Variants in SEMA3C observed in about 807,000 individuals in gnomAD.
SEMA3C encodes semaphorin-3C.
Under a neutral mutation model 89.4 loss-of-function variants are expected in SEMA3C, and 47 were observed. The observed-to-expected ratio is 0.53, with a 90% confidence interval of 0.42 to 0.67. The LOEUF is 0.67. Among genes scored for constraint, SEMA3C ranks in the 30% least tolerant of loss-of-function variants. The pLI is 0.00. For missense variants in SEMA3C, 839 were observed against 929.1 expected, an observed-to-expected ratio of 0.90 and a Z score of 1.26; for synonymous variants, 310 against 320.2, an observed-to-expected ratio of 0.97 and a Z score of 0.34.
At position 80,842,133 on chromosome 7, in the gene SEMA3C, A is replaced by C. The variant is rs557986642; in HGVS notation, c.104-13388T>G. Among the ~76,000 whole-genome samples the C allele has an allele frequency of 2.6e-5, 4 of 152,270 alleles. No individual in the cohort carries two copies. The East Asian group carries it at 5.8e-4, about 22-fold the overall frequency. ...ACAGTCCTTGGGAGTGGGCTTCTACATAGTAATAGAGCCACCCTTTAATTC... is the reference window on the plus strand; with the variant it reads ...ACAGTCCTTGGGAGTGGGCTTCTACCTAGTAATAGAGCCACCCTTTAATTC... On this transcript the variant is annotated intron_variant, in intron 2 of 17. Transcript: ENST00000265361.
intron 13 of SEMA3C, among the ~76,000 whole-genome samples, chr7:80,762,092 T>TA (rs547180420): frequency 0.2 from 15,162 of 76,290 alleles, 1,179 homozygotes; most frequent in African/African-American, 0.21. Flanking sequence ...TCCGTCTCAA[T>TA]AAAAAAAAAA....
intron 2 of SEMA3C, among the ~76,000 whole-genome samples, chr7:80,904,133 T>C (rs1791950708): frequency 1.3e-5 from 2 of 152,260 alleles, no homozygotes; most frequent in African/African-American, 4.8e-5. Flanking sequence ...CTCCACCTCC[T>C]AGGTTCAAGT....
intron 2 of SEMA3C, among the ~76,000 whole-genome samples, chr7:80,831,378 T>C (rs1790005758): frequency 6.6e-6 from 1 of 152,186 alleles, no homozygotes; most frequent in South Asian, 2.1e-4. Context: ...TTAATATACA[T>C]AAAGTTTTTA....
At chr7:80,885,508 T>C (rs1791453918) in intron 2 of SEMA3C, among the ~76,000 whole-genome samples, 1 of 152,090 alleles carries the variant, frequency 6.6e-6, no homozygotes, top group Non-Finnish European at 1.5e-5. Flanking sequence ...TCCCAGCTAC[T>C]TGGGAGGCTG....
chr7:80,828,654 C>G lies in SEMA3C; in HGVS notation c.195G>C (p.Arg65=). ...TGTGATCTTTGCTTCCCACATATAT[C>G]CGGTCCTGATCTTCATCCATTAATA... ...RILLMDEDQD[R]IYVGSKDHIL... is the part of the protein sequence containing the mutation. The change falls in exon 3 of 18, where the codon CGG becomes CGC. Residue 65 remains arginine, a synonymous_variant. Transcript: ENST00000265361. 1 of 1,612,096 alleles carries G rather than the reference C, an allele frequency of 6.2e-7. No homozygotes were observed. The highest frequency in any genetic ancestry group is 1.1e-5 in the South Asian group (1 of 90,926).
rs527979705 is a variant in SEMA3C, at chr7:80,908,543, C to T, written c.103+8136G>A. ...TAGCAACTTGGGTTGCAAGACTTCG[C>T]TGGCTGGAAAAAAAGAAAAGCAGGC... On this transcript the variant is annotated intron_variant, in intron 2 of 17. Transcript: ENST00000265361. 2.0e-5 allele frequency among the ~76,000 whole-genome samples: 3 copies of T among 152,256 alleles called. No individual in the cohort carries two copies. The South Asian group carries it at 6.2e-4, about 32-fold the overall frequency.
chr7:80,888,774 AT>A (rs1258611164), intron 2 of SEMA3C, among the ~76,000 whole-genome samples: 10 of 152,314 alleles, frequency 6.6e-5, no homozygotes, highest in South Asian at 2.1e-4. Flanking sequence ...TAACAAAAAA[AT>A]ATTGAGTCCA....
chr7:80,791,028 C>T (rs921578379), intron 11 of SEMA3C, among the ~76,000 whole-genome samples: 5 of 151,940 alleles, frequency 3.3e-5, no homozygotes, highest in Admixed American at 1.3e-4. Context: ...ATTTTGGTGC[C>T]GGGTCTGTAT....
chr7:80,896,717 T>G (rs963636251), intron 2 of SEMA3C, among the ~76,000 whole-genome samples: 1 of 152,166 alleles, frequency 6.6e-6, no homozygotes, highest in African/African-American at 2.4e-5. Flanking sequence ...GAATTGTCTG[T>G]TGGGCCCTAT....
In SEMA3C at chr7:80,795,919, C is replaced by T. The variant is rs79922431; in HGVS notation, c.1131+2173G>A. Among the ~76,000 whole-genome samples, 88 of 152,332 alleles carry T rather than the reference C, an allele frequency of 5.8e-4. No homozygotes were observed. The East Asian group carries it at 0.015, about 25-fold the overall frequency. ...TTAATTGAGAAGAGGTGTACATTATCTGCTCTTGTAACCTGGGTCCATGCT... is the reference window on the plus strand; with the variant it reads ...TTAATTGAGAAGAGGTGTACATTATTTGCTCTTGTAACCTGGGTCCATGCT... On this transcript the variant is annotated intron_variant, in intron 11 of 17. Coordinates refer to ENST00000265361, the MANE Select transcript of SEMA3C (RefSeq NM_006379.5).
Position 80,742,794 on chromosome 7 carries a change from C to G in SEMA3C, c.*2100G>C, listed in dbSNP as rs1056330307. 4.0e-5 allele frequency: 6 copies of G among 151,770 alleles called. No individual in the cohort carries two copies. The highest frequency in any genetic ancestry group is 7.4e-5 in the Non-Finnish European group (5 of 67,798). 9.4% of individuals were successfully genotyped at this position (151,770 alleles called of 1,614,324 possible). A position where few individuals can be genotyped will look rare whatever the true frequency, so the allele number is the denominator to read the frequency against. On this transcript the variant is annotated 3_prime_UTR_variant, in exon 18 of 18. Coordinates refer to ENST00000265361, the MANE Select transcript of SEMA3C (RefSeq NM_006379.5). Reference sequence around the variant, plus strand: ...TCAAGCTACATAAAATAAAACCAATCAACCACCAGTAGTATACATTAACAG... The same window carrying G: ...TCAAGCTACATAAAATAAAACCAATGAACCACCAGTAGTATACATTAACAG...
At chr7:80,790,845 T>G (rs1788920726) in intron 11 of SEMA3C, among the ~76,000 whole-genome samples, 1 of 152,212 alleles carries the variant, frequency 6.6e-6, no homozygotes, top group East Asian at 1.9e-4. Context: ...CCCTATAGAA[T>G]GTAAGCTTGT....
intron 2 of SEMA3C, among the ~76,000 whole-genome samples, chr7:80,832,619 A>G (rs1790033130): frequency 6.6e-6 from 1 of 151,958 alleles, no homozygotes; most frequent in Non-Finnish European, 1.5e-5. Context: ...TGGCACACAC[A>G]AAAGAAGAGG....
At chr7:80,802,846 C>G in intron 8 of SEMA3C, 67 bp from the exon 9 acceptor site, 1 of 1,161,032 alleles carries the variant, frequency 8.6e-7, no homozygotes, top group Non-Finnish European at 1.3e-6. Context: ...AAAAATTCGA[C>G]TTGTACTCTA....
chr7:80,815,621 GTTAT>G (rs896112330), intron 5 of SEMA3C, among the ~76,000 whole-genome samples: 2 of 142,730 alleles, frequency 1.4e-5, no homozygotes, highest in Admixed American at 7.3e-5. Flanking sequence ...AGTGATGAAG[GTTAT>G]TTATCAAAGA....
At chr7:80,805,164 G>A (rs1789308618) in intron 7 of SEMA3C, among the ~76,000 whole-genome samples, 1 of 151,956 alleles carries the variant, frequency 6.6e-6, no homozygotes, top group Admixed American at 6.6e-5. Context: ...ATACATACCA[G>A]TTTTGTAATT....
chr7:80,769,864 CA>C (rs1293174938), intron 12 of SEMA3C, among the ~76,000 whole-genome samples: 1,079 of 46,760 alleles, frequency 0.023, 3 homozygotes, highest in Admixed American at 0.083. Flanking sequence ...GTCCCCCCCC[CA>C]AAAAAAAAAA....
chr7:80,896,772 T>G (rs1259883056), intron 2 of SEMA3C, among the ~76,000 whole-genome samples: 1 of 152,134 alleles, frequency 6.6e-6, no homozygotes, highest in East Asian at 1.9e-4. Context: ...ACATCCTAAC[T>G]TCTCTTCTTT....
chr7:80,874,373 T>G (rs995761753), intron 2 of SEMA3C, among the ~76,000 whole-genome samples: 22 of 152,328 alleles, frequency 1.4e-4, no homozygotes, highest in Admixed American at 1.4e-3. Flanking sequence ...TATATCCATG[T>G]GATAAGTAAT....
Sources: gnomAD v4.1 joint callset for allele counts (sites outside exome capture counted in the v4.1 genomes callset) on GRCh38, gnomAD v4.1.1 for gene constraint, MANE v1.5 for transcripts, NCBI Gene and HGNC (gene_info 2026-07-23, HGNC 2026-07-21) for gene names.